Variants in PTPRC observed in about 807,000 individuals in gnomAD.
PTPRC encodes receptor-type tyrosine-protein phosphatase C.
PTPRC carries 44 observed loss-of-function variants against 155.9 expected under a neutral mutation model. The observed-to-expected ratio is 0.28, with a 90% CI of 0.22 to 0.36. The LOEUF is 0.36. PTPRC is among the 10% of genes least tolerant of loss of function. The pLI is 1.00. For synonymous variants in PTPRC, 525 were observed against 533.1 expected (o/e 0.98, Z 0.21); for missense variants, 1,401 against 1,564.6 (o/e 0.90, Z 1.76).
At position 198,678,484 on chromosome 1, in the gene PTPRC, A is replaced by G. The variant is rs184320308; in HGVS notation, c.74-13863A>G. ...TGTAAGGATTCTTAATAAGCTGTCA[A>G]TGAGCACTGCTGCCGGTCTAGATGG... On this transcript the variant is annotated intron_variant, in intron 2 of 32. Transcript: ENST00000442510. 7.6e-4 allele frequency among the ~76,000 whole-genome samples: 116 copies of G among 152,324 alleles called. 1 individual carries two copies. Among genetic ancestry groups the G allele is most frequent in the African/African-American group, 2.7e-3 (111 of 41,566 alleles).
chr1:198,734,299 T>A lies in PTPRC; in HGVS notation c.2180-29T>A, dbSNP rs1287486531. 8 of 1,610,028 alleles carry A rather than the reference T, an allele frequency of 5.0e-6. No homozygotes were observed. In the Admixed American group the frequency reaches 1.0e-4, roughly 20 times the overall value. On this transcript the variant is annotated intron_variant, in intron 21 of 32. Coordinates refer to ENST00000442510, the MANE Select transcript of PTPRC (RefSeq NM_002838.5). ...TATAGCACTTTTAAGAAAATTTTTC[T>A]TATCAGCTTTTATTTGTTTACCTCC...
chr1:198,679,747 C>T, intron 2 of PTPRC: 1 of 419,778 alleles, frequency 2.4e-6, no homozygotes, highest in Non-Finnish European at 4.4e-6. Context: ...GATGACTGGG[C>T]CACTGCTAAC....
chr1:198,752,874 C>T lies in PTPRC; in HGVS notation c.3509+102C>T, dbSNP rs1307031708. Reference sequence around the variant, plus strand: ...TATCCTCATATATGAAACACATAACCACAGTAAAAACTTCTTATGGAGTCG... The same window carrying T: ...TATCCTCATATATGAAACACATAACTACAGTAAAAACTTCTTATGGAGTCG... On this transcript the variant is annotated intron_variant, in intron 31 of 32. Transcript: ENST00000442510. 3 of 1,328,728 alleles carry T rather than the reference C, an allele frequency of 2.3e-6. No homozygotes were observed. In the Admixed American group the frequency reaches 5.6e-5, roughly 25 times the overall value. 82.3% of individuals were successfully genotyped at this position (1,328,728 alleles called of 1,614,324 possible). A position where few individuals can be genotyped will look rare whatever the true frequency, so the allele number is the denominator to read the frequency against.
At chr1:198,755,738 T>C (rs1655614638) in intron 32 of PTPRC, among the ~76,000 whole-genome samples, 168 bp from the exon 33 acceptor site, 1 of 152,070 alleles carries the variant, frequency 6.6e-6, no homozygotes, top group South Asian at 2.1e-4. Flanking sequence ...TTTAGCACCA[T>C]AAAGAAACTA....
At chr1:198,743,269 G>C (rs1042157685) in intron 25 of PTPRC, among the ~76,000 whole-genome samples, 1 of 151,576 alleles carries the variant, frequency 6.6e-6, no homozygotes, top group East Asian at 1.9e-4. Flanking sequence ...CAATGAGTGA[G>C]TAAAGCTGCC....
intron 10 of PTPRC, among the ~76,000 whole-genome samples, chr1:198,708,589 G>A (rs979773400): frequency 2.0e-5 from 3 of 152,126 alleles, no homozygotes; most frequent in Non-Finnish European, 4.4e-5. Context: ...CATGAAAGAA[G>A]GGTGTTATAA....
intron 15 of PTPRC, 21 bp from the exon 16 acceptor site, chr1:198,728,319 T>C (rs1380134647): frequency 6.3e-7 from 1 of 1,584,668 alleles, no homozygotes; most frequent in East Asian, 2.2e-5. Flanking sequence ...GTTCTCTGAA[T>C]GTATTATTTT....
intron 9 of PTPRC, among the ~76,000 whole-genome samples, chr1:198,707,801 A>G (rs1009509811): frequency 6.6e-6 from 1 of 152,222 alleles, no homozygotes; most frequent in Non-Finnish European, 1.5e-5. Context: ...ATTTAAGATA[A>G]AAACAAAAAT....
intron 2 of PTPRC, among the ~76,000 whole-genome samples, chr1:198,647,493 A>G (rs893314825): frequency 2.6e-5 from 4 of 151,950 alleles, no homozygotes; most frequent in East Asian, 1.9e-4. Context: ...AAATTTCTAC[A>G]TAATAGAAAA....
chr1:198,703,819 C>A, intron 7 of PTPRC: 1 of 199,414 alleles, frequency 5.0e-6, no homozygotes, highest in South Asian at 8.6e-5. Context: ...AGCAAGTAAG[C>A]TGATCAGAGC....
chr1:198,735,031 A>T, intron 22 of PTPRC, 96 bp from the exon 23 acceptor site: 4 of 1,095,884 alleles, frequency 3.7e-6, no homozygotes, highest in Non-Finnish European at 5.3e-6. Flanking sequence ...AGAATTTCAA[A>T]TGAGTATAGG....
intron 12 of PTPRC, among the ~76,000 whole-genome samples, chr1:198,714,419 A>T (rs755068223): frequency 6.6e-6 from 1 of 152,220 alleles, no homozygotes; most frequent in Non-Finnish European, 1.5e-5. Context: ...TCATTACAGC[A>T]ACTAGCATGG....
At chr1:198,702,561 A>C (rs1296588002) in intron 6 of PTPRC, 31 bp downstream of exon 6, 14 of 1,612,972 alleles carry the variant, frequency 8.7e-6, no homozygotes, top group Non-Finnish European at 1.2e-5. Context: ...TAGTGTCTTC[A>C]GTTATAGATA....
rs545353200 is a variant in PTPRC, at chr1:198,725,934, C to CAT, written c.1721-2405_1721-2404dup. Among the ~76,000 whole-genome samples, 12 of 152,306 alleles carry CAT rather than the reference C, an allele frequency of 7.9e-5. No homozygotes were observed. The East Asian group carries it at 2.3e-3, about 29-fold the overall frequency. ...GCTCTACTTCTAATTTCCCTTCTCT[C>CAT]ATTTTCACTGTCATTATAAATCTAT... On this transcript the variant is annotated intron_variant, in intron 15 of 32. Transcript: ENST00000442510.
chr1:198,713,709 A>T (rs1653426923), intron 12 of PTPRC, among the ~76,000 whole-genome samples: 1 of 152,200 alleles, frequency 6.6e-6, no homozygotes, highest in Non-Finnish European at 1.5e-5. Context: ...AAGTATCTAA[A>T]TTGTTTGTAG....
At chr1:198,753,135 T>C (rs1355417584) in intron 31 of PTPRC, among the ~76,000 whole-genome samples, 1 of 152,070 alleles carries the variant, frequency 6.6e-6, no homozygotes, top group Non-Finnish European at 1.5e-5. Context: ...CCCATATACA[T>C]TGATCTACTC....
chr1:198,675,922 G>A (rs74134783), intron 2 of PTPRC, among the ~76,000 whole-genome samples: 13,203 of 152,176 alleles, frequency 0.087, 605 homozygotes, highest in Non-Finnish European at 0.099. Context: ...GTCAAAGACC[G>A]AAATATCATT....
chr1:198,642,401 A>ATCT (rs1662648239), intron 2 of PTPRC, among the ~76,000 whole-genome samples: 1 of 46,302 alleles, frequency 2.2e-5, no homozygotes, highest in African/African-American at 6.0e-5. Context: ...TCTATCTATC[A>ATCT]GTTCTCCATG....
At chr1:198,699,229 C>G (rs1374787487) in intron 4 of PTPRC, among the ~76,000 whole-genome samples, 1 of 151,956 alleles carries the variant, frequency 6.6e-6, no homozygotes, top group Non-Finnish European at 1.5e-5. Context: ...TCTTATTCTC[C>G]CTACAAAGAA....
Sources: allele counts gnomAD v4.1 joint callset (sites outside exome capture counted in the v4.1 genomes callset), GRCh38; gene constraint gnomAD v4.1.1; transcripts MANE v1.5; gene names NCBI Gene and HGNC (gene_info 2026-07-23, HGNC 2026-07-21).